Variants in CWC27 observed in about 807,000 individuals in gnomAD.
CWC27 encodes the protein spliceosome-associated protein CWC27 homolog.
A neutral mutation model predicts 63.6 loss-of-function variants in CWC27; 47 were observed. The ratio of observed to expected loss-of-function variants is 0.74; its 90% CI spans 0.58 to 0.94. CWC27 has a LOEUF of 0.94. CWC27 is among the 40% of genes least tolerant of loss of function. The pLI is 0.00. For missense variants in CWC27, 495 were observed against 554.3 expected (o/e 0.89, Z 1.07); for synonymous variants, 175 against 179.8 (o/e 0.97, Z 0.22).
intron 10 of CWC27, among the ~76,000 whole-genome samples, chr5:64,808,894 T>A (rs1744781363): frequency 6.6e-6 from 1 of 152,180 alleles, no homozygotes; most frequent in Admixed American, 6.5e-5. Flanking sequence ...TGAGGTAAAG[T>A]CTGGGAAGAT....
At chr5:65,012,195 G>A (rs1382667526) in intron 13 of CWC27, among the ~76,000 whole-genome samples, 6 of 152,126 alleles carry the variant, frequency 3.9e-5, no homozygotes, top group Non-Finnish European at 8.8e-5. Context: ...GACTTTTGAT[G>A]TATTCCCAAA....
In CWC27 at chr5:64,974,189, G is replaced by T. The variant is rs150681736; in HGVS notation, c.1152+2377G>T. On this transcript the variant is annotated intron_variant, in intron 12 of 13. Transcript: ENST00000381070. ...GTAGGTCGACGCTGTAGTGAGCCAT[G>T]ATTGTACCATTGCACTCCAGCCTGG... Among the ~76,000 whole-genome samples the T allele has an allele frequency of 4.3e-3, 651 of 152,084 alleles. 6 individuals carry two copies. Among genetic ancestry groups the T allele is most frequent in the African/African-American group, 0.015 (620 of 41,464 alleles).
At chr5:64,993,078 G>A (rs1438247621) in intron 13 of CWC27, among the ~76,000 whole-genome samples, 1 of 152,030 alleles carries the variant, frequency 6.6e-6, no homozygotes, top group African/African-American at 2.4e-5. Flanking sequence ...TTCTTCACCT[G>A]TAGAGTAGAA....
Position 64,831,121 on chromosome 5 carries a change from C to T in CWC27, c.938+26735C>T, listed in dbSNP as rs367708019. 1.1e-4 allele frequency among the ~76,000 whole-genome samples: 16 copies of T among 152,114 alleles called. No individual in the cohort carries two copies. The East Asian group carries it at 1.4e-3, about 13-fold the overall frequency. Reference sequence around the variant, plus strand: ...TGTGTACTTCAGACATTCAGTAGTGCTCAAACAGGTTTACTCCTCATCAAA... The same window carrying T: ...TGTGTACTTCAGACATTCAGTAGTGTTCAAACAGGTTTACTCCTCATCAAA... On this transcript the variant is annotated intron_variant, in intron 10 of 13. Transcript: ENST00000381070.
chr5:64,937,871 C>T (rs1211704365), intron 11 of CWC27, among the ~76,000 whole-genome samples: 6 of 142,304 alleles, frequency 4.2e-5, no homozygotes, highest in Non-Finnish European at 9.2e-5. Flanking sequence ...CTTTTTTGAT[C>T]TTTGTTAGTT....
intron 11 of CWC27, among the ~76,000 whole-genome samples, chr5:64,892,620 T>C (rs2112353198): frequency 6.6e-6 from 1 of 152,302 alleles, no homozygotes; most frequent in East Asian, 1.9e-4. Context: ...AGAATGTTTA[T>C]ATTGAAATTG....
chr5:64,804,520 A>AC, intron 10 of CWC27, 134 bp downstream of exon 10: 1 of 952,186 alleles, frequency 1.1e-6, no homozygotes, highest in South Asian at 2.3e-5. Context: ...CAGTTGTACA[A>AC]ATTGGCCCAT....
At chr5:64,943,755 T>A (rs1170625719) in intron 11 of CWC27, among the ~76,000 whole-genome samples, 1 of 152,172 alleles carries the variant, frequency 6.6e-6, no homozygotes, top group African/African-American at 2.4e-5. Flanking sequence ...CACATCTTCA[T>A]AGAAAAGCAT....
intron 10 of CWC27, among the ~76,000 whole-genome samples, chr5:64,833,586 G>A (rs193295630): frequency 6.6e-6 from 1 of 151,832 alleles, no homozygotes; most frequent in Non-Finnish European, 1.5e-5. Flanking sequence ...ACAACCACTT[G>A]TATTGTTCTA....
chr5:64,925,394 T>C (rs565775936), intron 11 of CWC27, among the ~76,000 whole-genome samples: 1 of 152,278 alleles, frequency 6.6e-6, no homozygotes, highest in East Asian at 1.9e-4. Flanking sequence ...CTTTCATGGG[T>C]TTGAATAGTC....
chr5:64,848,019 T>G (rs180889445), intron 10 of CWC27, among the ~76,000 whole-genome samples: 2 of 150,864 alleles, frequency 1.3e-5, no homozygotes, highest in African/African-American at 4.9e-5. Context: ...ACAATAAAGA[T>G]CAGAGCAGGG....
intron 10 of CWC27, among the ~76,000 whole-genome samples, chr5:64,867,774 A>C (rs1341702200): frequency 6.6e-6 from 1 of 152,070 alleles, no homozygotes; most frequent in Non-Finnish European, 1.5e-5. Flanking sequence ...AGGGTACCTA[A>C]GCATAGTGAG....
chr5:64,877,929 G>A (rs757192604), intron 10 of CWC27, among the ~76,000 whole-genome samples: 4 of 151,760 alleles, frequency 2.6e-5, no homozygotes, highest in Admixed American at 1.3e-4. Context: ...TCAGCATCTC[G>A]CTGCTTCCTT....
intron 2 of CWC27, among the ~76,000 whole-genome samples, chr5:64,778,443 C>T (rs549238931): frequency 6.6e-5 from 10 of 152,062 alleles, no homozygotes; most frequent in Admixed American, 5.2e-4. Flanking sequence ...TGGTTGGCTG[C>T]TTATTATGGG....
At chr5:64,907,254 G>A (rs997110337) in intron 11 of CWC27, among the ~76,000 whole-genome samples, 5 of 152,110 alleles carry the variant, frequency 3.3e-5, no homozygotes, top group Non-Finnish European at 7.4e-5. Context: ...AAATTACCTT[G>A]GGCAGTATGG....
rs150840088 is a variant in CWC27 at position 65,010,012 on chromosome 5, C to A, written c.1257-8147C>A. Among the ~76,000 whole-genome samples the A allele has an allele frequency of 4.4e-3, 670 of 152,272 alleles. 3 individuals are homozygous for A. The highest frequency in any genetic ancestry group is 5.6e-3 in the Non-Finnish European group (383 of 68,028). On this transcript the variant is annotated intron_variant, in intron 13 of 13. Coordinates refer to ENST00000381070, the MANE Select transcript of CWC27 (RefSeq NM_005869.4). Reference sequence around the variant, plus strand: ...CTCTCCACAGGTGAGGAAACAGAGGCCTGAGAAGCAATGTGACTTTCTCCA... The same window carrying A: ...CTCTCCACAGGTGAGGAAACAGAGGACTGAGAAGCAATGTGACTTTCTCCA...
intron 13 of CWC27, among the ~76,000 whole-genome samples, chr5:64,995,570 T>G (rs930920520): frequency 4.0e-5 from 6 of 149,232 alleles, no homozygotes; most frequent in East Asian, 1.9e-4. Flanking sequence ...TGTTATCATG[T>G]TTTTTTTTCT....
chr5:65,016,918 G>A (rs911905777), intron 13 of CWC27, among the ~76,000 whole-genome samples: 1 of 152,126 alleles, frequency 6.6e-6, no homozygotes, highest in Non-Finnish European at 1.5e-5. Flanking sequence ...AGTTACAACA[G>A]GCATATAAGA....
chr5:64,776,845 T>C (rs1274956356), intron 2 of CWC27, among the ~76,000 whole-genome samples: 1 of 152,122 alleles, frequency 6.6e-6, no homozygotes, highest in Non-Finnish European at 1.5e-5. Flanking sequence ...CAGTCTCAGA[T>C]ATGGCCCTCA....
Sources: gnomAD v4.1 joint callset for allele counts (sites outside exome capture counted in the v4.1 genomes callset) on GRCh38, gnomAD v4.1.1 for gene constraint, MANE v1.5 for transcripts, NCBI Gene and HGNC (gene_info 2026-07-23, HGNC 2026-07-21) for gene names.